Variants in ARMC1 observed in about 807,000 individuals in gnomAD.
ARMC1 encodes the protein armadillo repeat containing 1.
A neutral mutation model predicts 31.4 loss-of-function variants in ARMC1; 16 were observed. The observed-to-expected ratio is 0.51, with a 90% CI of 0.34 to 0.77. The LOEUF is 0.77. ARMC1 is among the 30% of genes least tolerant of loss of function. The pLI is 0.01. For synonymous variants in ARMC1, 114 were observed against 118.9 expected, an observed-to-expected ratio of 0.96 and a Z score of 0.27; for missense variants, 259 against 347.5, an observed-to-expected ratio of 0.75 and a Z score of 2.02.
chr8:65,605,616 G>C (rs751305681), intron 4 of ARMC1, 78 bp from the exon 5 acceptor site: 4 of 1,035,772 alleles, frequency 3.9e-6, no homozygotes, highest in Non-Finnish European at 6.0e-6. Flanking sequence ...GCTATATTTT[G>C]GAGGGGGGAA....
intron 1 of ARMC1, among the ~76,000 whole-genome samples, chr8:65,631,303 C>T (rs13266834): frequency 6.6e-6 from 1 of 151,964 alleles, no homozygotes; most frequent in Admixed American, 6.6e-5. Context: ...GGTACGATTT[C>T]GGCTTATCAC....
chr8:65,627,212 T>C lies in ARMC1; in HGVS notation c.183+4A>G, dbSNP rs1450557782. On this transcript the variant is annotated splice_donor_region_variant and intron_variant, in intron 2 of 6. Coordinates refer to ENST00000276569, the MANE Select transcript of ARMC1 (RefSeq NM_018120.6). Reference sequence around the variant, plus strand: ...AGAGATTGAAATTACTAAAGGCAACTTACAAGCAAAGCGGAGTGGACGACT... The same window carrying C: ...AGAGATTGAAATTACTAAAGGCAACCTACAAGCAAAGCGGAGTGGACGACT... 1 of 1,537,300 alleles carries C rather than the reference T, an allele frequency of 6.5e-7. No homozygotes were observed. Among genetic ancestry groups the C allele is most frequent in the East Asian group, 2.3e-5 (1 of 43,030 alleles).
Position 65,627,422 on chromosome 8 carries a change from A to G in ARMC1, c.-24T>C, listed in dbSNP as rs1055638241. ...ATCTTCTATGCCATGCACATGAATA[A>G]AATCTTAAATTCTGTAGAAAAGGTT... On this transcript the variant is annotated 5_prime_UTR_variant, in exon 2 of 7. Transcript: ENST00000276569. The G allele has an allele frequency of 1.3e-6, 2 of 1,520,818 alleles. No individual in the cohort carries two copies. Among genetic ancestry groups the G allele is most frequent in the South Asian group, 2.6e-5 (2 of 78,192 alleles). The allele number at this position is 1,520,818 out of a possible 1,614,324, so 94.2% of individuals were successfully genotyped here. A position where few individuals can be genotyped will look rare whatever the true frequency, so the allele number is the denominator to read the frequency against.
At chr8:65,618,974 C>G (rs543071671) in intron 3 of ARMC1, among the ~76,000 whole-genome samples, 1 of 151,710 alleles carries the variant, frequency 6.6e-6, no homozygotes, top group East Asian at 2.0e-4. Context: ...ACCCGGGAGG[C>G]GGAGGTTGCA....
intron 1 of ARMC1, among the ~76,000 whole-genome samples, chr8:65,633,321 T>C (rs891802525): frequency 7.9e-5 from 12 of 152,236 alleles, no homozygotes; most frequent in Non-Finnish European, 1.6e-4. Flanking sequence ...TTCCCCTTAC[T>C]CGAAGAGTTA....
intron 2 of ARMC1, among the ~76,000 whole-genome samples, chr8:65,626,582 C>G (rs1808515772): frequency 6.6e-6 from 1 of 151,984 alleles, no homozygotes; most frequent in Admixed American, 6.6e-5. Context: ...GTGCTTACAT[C>G]TTAAAAAGCT....
intron 1 of ARMC1, among the ~76,000 whole-genome samples, chr8:65,627,744 T>C (rs1194472677): frequency 6.6e-6 from 1 of 152,256 alleles, no homozygotes; most frequent in Non-Finnish European, 1.5e-5. Flanking sequence ...TAAGCTTTGC[T>C]ATACTTCTAA....
intron 3 of ARMC1, among the ~76,000 whole-genome samples, chr8:65,615,452 T>A (rs1258851438): frequency 2.0e-5 from 3 of 149,038 alleles, no homozygotes; most frequent in East Asian, 3.9e-4. Context: ...TGCCTGTAAT[T>A]CCAACACTTT....
chr8:65,614,358 A>G (rs760908339), intron 3 of ARMC1, among the ~76,000 whole-genome samples: 5 of 152,218 alleles, frequency 3.3e-5, no homozygotes, highest in African/African-American at 7.2e-5. Context: ...GAAATGTTCT[A>G]TAGCTGCACT....
chr8:65,629,658 G>C (rs901688526), intron 1 of ARMC1, among the ~76,000 whole-genome samples: 2 of 151,960 alleles, frequency 1.3e-5, no homozygotes, highest in African/African-American at 4.8e-5. Context: ...AATTAGCTGG[G>C]CGTGCTGGCG....
chr8:65,616,809 T>C (rs1165888127), intron 3 of ARMC1, among the ~76,000 whole-genome samples: 5 of 129,722 alleles, frequency 3.9e-5, no homozygotes, highest in Non-Finnish European at 6.5e-5. Flanking sequence ...GTGAGGAGCG[T>C]CTCTGCCCGG....
intron 3 of ARMC1, among the ~76,000 whole-genome samples, chr8:65,614,602 T>A (rs1476305756): frequency 6.6e-6 from 1 of 152,182 alleles, no homozygotes; most frequent in Admixed American, 6.6e-5. Context: ...AACCCTTTAA[T>A]GTACACTCAA....
intron 6 of ARMC1, among the ~76,000 whole-genome samples, chr8:65,604,955 C>T (rs1563410806): frequency 1.3e-5 from 2 of 152,184 alleles, no homozygotes; most frequent in Admixed American, 1.3e-4. Flanking sequence ...GATTTTCACC[C>T]TATTTACTTG....
chr8:65,606,033 C>T (rs2129040735), intron 4 of ARMC1, among the ~76,000 whole-genome samples: 1 of 152,208 alleles, frequency 6.6e-6, no homozygotes, highest in South Asian at 2.1e-4. Context: ...CCATCATGGT[C>T]TACAAAGCCA....
intron 1 of ARMC1, among the ~76,000 whole-genome samples, chr8:65,628,891 C>T (rs536556267): frequency 1.8e-4 from 27 of 147,926 alleles, no homozygotes; most frequent in African/African-American, 2.5e-4. Context: ...CAGTGGCTCA[C>T]GCCTGTAATC....
chr8:65,614,320 G>A (rs1287229305), intron 3 of ARMC1, among the ~76,000 whole-genome samples: 1 of 152,132 alleles, frequency 6.6e-6, no homozygotes, highest in Non-Finnish European at 1.5e-5. Flanking sequence ...AGGGGACTGT[G>A]CTGTCCAATA....
intron 3 of ARMC1, among the ~76,000 whole-genome samples, chr8:65,621,391 A>G (rs7006732): frequency 0.87 from 131,972 of 152,238 alleles, 57,660 homozygotes; most frequent in African/African-American, 0.96. Flanking sequence ...GAGGCTACTC[A>G]CACTATTTTA....
chr8:65,613,532 C>T lies in ARMC1; in HGVS notation c.276-99G>A, dbSNP rs1343582687. On this transcript the variant is annotated intron_variant, in intron 3 of 6. Coordinates refer to ENST00000276569, the MANE Select transcript of ARMC1 (RefSeq NM_018120.6). ...GAGCCTTGTTTCTTTTACTCTAATG[C>T]CTTGTTCAATTTAAAAGCAATAGCA... The T allele has an allele frequency of 5.3e-6, 4 of 756,248 alleles. No individual in the cohort carries two copies. The African/African-American group carries it at 7.2e-5, about 14-fold the overall frequency. 46.8% of individuals were successfully genotyped at this position (756,248 alleles called of 1,614,324 possible). A position where few individuals can be genotyped will look rare whatever the true frequency, so the allele number is the denominator to read the frequency against.
intron 2 of ARMC1, among the ~76,000 whole-genome samples, chr8:65,626,922 G>C (rs1001348854): frequency 1.3e-5 from 2 of 151,836 alleles, no homozygotes; most frequent in Non-Finnish European, 2.9e-5. Flanking sequence ...GGCTGAGGTC[G>C]GGGGGATGGT....
Sources: gnomAD v4.1 joint callset for allele counts (sites outside exome capture counted in the v4.1 genomes callset) on GRCh38, gnomAD v4.1.1 for gene constraint, MANE v1.5 for transcripts, NCBI Gene and HGNC (gene_info 2026-07-23, HGNC 2026-07-21) for gene names.